CCDC66: variants seen among roughly 807,000 people sequenced by gnomAD.
CCDC66 encodes the protein coiled-coil domain containing 66.
CCDC66 carries 133 observed loss-of-function variants against 128.3 expected under a neutral mutation model. That is an observed-to-expected ratio of 1.04 (90% CI 0.90 to 1.20). CCDC66 has a LOEUF of 1.20. Among genes scored for constraint, CCDC66 ranks in the 50% most tolerant of loss-of-function variants. CCDC66 has a pLI of 0.00. For missense variants in CCDC66, 1,126 were observed against 1,075.5 expected (o/e 1.05, Z -0.66); for synonymous variants, 387 against 357.0 (o/e 1.08, Z -0.95).
chr3:56,615,581 T>C (rs1470823487), intron 12 of CCDC66, among the ~76,000 whole-genome samples: 1 of 152,162 alleles, frequency 6.6e-6, no homozygotes, highest in Non-Finnish European at 1.5e-5. Flanking sequence ...TACCTACTAT[T>C]CTTGTAGGAA....
At chr3:56,600,262 C>A (rs2072924355) in intron 10 of CCDC66, among the ~76,000 whole-genome samples, 1 of 151,374 alleles carries the variant, frequency 6.6e-6, no homozygotes, top group Non-Finnish European at 1.5e-5. Flanking sequence ...GATTCTCCTG[C>A]CCCACCCTCC....
intron 10 of CCDC66, among the ~76,000 whole-genome samples, chr3:56,610,867 A>G (rs552830876): frequency 2.6e-5 from 4 of 152,138 alleles, no homozygotes; most frequent in Admixed American, 1.3e-4. Flanking sequence ...CAGTGAGTCT[A>G]CTTGGCTCCG....
chr3:56,573,569 A>T (rs889547952), intron 7 of CCDC66, among the ~76,000 whole-genome samples: 1 of 152,256 alleles, frequency 6.6e-6, no homozygotes, highest in South Asian at 2.1e-4. Flanking sequence ...ATGTACAAAA[A>T]ATGTCAGCGT....
Position 56,621,803 on chromosome 3 carries a change from G to T in CCDC66, c.*185G>T, listed in dbSNP as rs1348499254. 1.6e-3 allele frequency: 229 copies of T among 139,076 alleles called. No homozygotes were observed. Among genetic ancestry groups the T allele is most frequent in the East Asian group, 3.7e-3 (19 of 5,090 alleles). 8.6% of individuals were successfully genotyped at this position (139,076 alleles called of 1,614,324 possible). On this transcript the variant is annotated 3_prime_UTR_variant, in exon 18 of 18. Transcript: ENST00000394672. ...ATACAATAAAACAGATACTTCTTTTGTAAAAGCTTAGTAGTAAAAAAAAAA... is the reference window on the plus strand; with the variant it reads ...ATACAATAAAACAGATACTTCTTTTTTAAAAGCTTAGTAGTAAAAAAAAAA...
Position 56,584,984 on chromosome 3 carries a change from C to G in CCDC66, c.937-7986C>G, listed in dbSNP as rs530951299. ...GCACACGCCTGCAGTCGCAGGCACTCGGCAGGCTGAGGCGGGAGAATCAGG... is the reference window on the plus strand; with the variant it reads ...GCACACGCCTGCAGTCGCAGGCACTGGGCAGGCTGAGGCGGGAGAATCAGG... On this transcript the variant is annotated intron_variant, in intron 7 of 17. Transcript: ENST00000394672. 2.3e-4 allele frequency among the ~76,000 whole-genome samples: 35 copies of G among 151,788 alleles called. 3 individuals carry two copies. In the East Asian group the frequency reaches 5.2e-3, roughly 23 times the overall value.
chr3:56,598,570 T>C (rs1233232713), intron 10 of CCDC66, among the ~76,000 whole-genome samples: 2 of 151,942 alleles, frequency 1.3e-5, no homozygotes, highest in Non-Finnish European at 2.9e-5. Context: ...ATAGTCTTTA[T>C]TATTTTAAGG....
intron 10 of CCDC66, 89 bp downstream of exon 10, chr3:56,594,117 T>A: frequency 7.4e-6 from 9 of 1,222,648 alleles, no homozygotes; most frequent in Non-Finnish European, 1.1e-5. Context: ...TAAATTCTGA[T>A]GTAAACTTTA....
intron 10 of CCDC66, among the ~76,000 whole-genome samples, chr3:56,608,671 C>T (rs140082617): frequency 6.6e-6 from 1 of 152,090 alleles, no homozygotes; most frequent in Non-Finnish European, 1.5e-5. Context: ...TCTTGTTTCT[C>T]CATTTCCTTG....
In CCDC66 at chr3:56,558,674, G is replaced by A. The variant is rs878909480; in HGVS notation, c.12-172G>A. ...AAGAATTTTCCCCCTGTAGTTGTGG[G>A]TTTTATCTTGGATTGCAAACGTTTT... On this transcript the variant is annotated intron_variant, in intron 1 of 17. Coordinates refer to ENST00000394672, the MANE Select transcript of CCDC66 (RefSeq NM_001141947.3). 1.4e-4 allele frequency: 90 copies of A among 640,720 alleles called. 2 individuals carry two copies. The South Asian group carries it at 1.5e-3, about 11-fold the overall frequency. The allele number at this position is 640,720 out of a possible 1,614,324, so 39.7% of individuals were successfully genotyped here. A position where few individuals can be genotyped will look rare whatever the true frequency, so the allele number is the denominator to read the frequency against.
At chr3:56,597,426 G>A (rs1356479599) in intron 10 of CCDC66, among the ~76,000 whole-genome samples, 1 of 151,818 alleles carries the variant, frequency 6.6e-6, no homozygotes, top group Non-Finnish European at 1.5e-5. Flanking sequence ...TTCTACTTCT[G>A]TGAAAAATGA....
At position 56,593,673 on chromosome 3, in the gene CCDC66, A is replaced by G; in HGVS notation, c.1251A>G (p.Glu417=). The G allele has an allele frequency of 6.2e-7, 1 of 1,614,208 alleles. No homozygotes were observed. Among genetic ancestry groups the G allele is most frequent in the South Asian group, 1.1e-5 (1 of 91,080 alleles). The change falls in exon 9 of 18, where the codon GAA becomes GAG. Residue 417 remains glutamate (E), a synonymous_variant. Transcript: ENST00000394672. ...CACCTACAACCGGAAGCCAGGTTGAACCTTCAGAGGAGGAGCATATAGCAA... is the reference window on the plus strand; with the variant it reads ...CACCTACAACCGGAAGCCAGGTTGAGCCTTCAGAGGAGGAGCATATAGCAA... ...VCTPTTGSQV[E]PSEEEHIAKP...
intron 10 of CCDC66, among the ~76,000 whole-genome samples, chr3:56,599,697 C>T (rs1008865775): frequency 6.6e-6 from 1 of 152,026 alleles, no homozygotes; most frequent in East Asian, 1.9e-4. Flanking sequence ...TGCCAGTGTT[C>T]CTCTCATTAT....
intron 11 of CCDC66, among the ~76,000 whole-genome samples, chr3:56,614,262 G>C (rs937874977): frequency 2.6e-5 from 4 of 152,086 alleles, no homozygotes; most frequent in African/African-American, 9.7e-5. Flanking sequence ...TTTTTCTGTT[G>C]AGGAGGTCAA....
intron 10 of CCDC66, among the ~76,000 whole-genome samples, chr3:56,613,075 TG>T (rs1310349991): frequency 6.6e-6 from 1 of 152,152 alleles, no homozygotes; most frequent in Admixed American, 6.5e-5. Flanking sequence ...CAGGGGCTGT[TG>T]GGCCCCAGAG....
chr3:56,567,826 A>G (rs920389017), intron 6 of CCDC66, among the ~76,000 whole-genome samples: 1 of 152,058 alleles, frequency 6.6e-6, no homozygotes, highest in African/African-American at 2.4e-5. Flanking sequence ...AGTAGCTGGG[A>G]CTACAGGCAC....
At chr3:56,590,353 GGAGT>G (rs2070659291) in intron 7 of CCDC66, among the ~76,000 whole-genome samples, 1 of 152,184 alleles carries the variant, frequency 6.6e-6, no homozygotes, top group Admixed American at 6.5e-5. Context: ...ATTTGAATCA[GGAGT>G]GAGACTAAGA....
intron 10 of CCDC66, among the ~76,000 whole-genome samples, chr3:56,597,704 T>G (rs1429424372): frequency 6.6e-6 from 1 of 151,630 alleles, no homozygotes; most frequent in Non-Finnish European, 1.5e-5. Context: ...GTATGTTGAT[T>G]TTGTATTCTG....
chr3:56,613,902 C>T, intron 11 of CCDC66, 152 bp downstream of exon 11: 1 of 624,084 alleles, frequency 1.6e-6, no homozygotes, highest in Non-Finnish European at 2.8e-6. Context: ...ACCTTGGTCT[C>T]CTCAGTAGCA....
chr3:56,559,629 A>G (rs1187965993), intron 3 of CCDC66, 35 bp downstream of exon 3: 4 of 1,487,374 alleles, frequency 2.7e-6, no homozygotes, highest in Non-Finnish European at 3.6e-6. Context: ...CCTGTTTTCA[A>G]ATGTAAAATG....
Sources: allele counts gnomAD v4.1 joint callset (sites outside exome capture counted in the v4.1 genomes callset), GRCh38; gene constraint gnomAD v4.1.1; transcripts MANE v1.5; gene names NCBI Gene and HGNC (gene_info 2026-07-23, HGNC 2026-07-21).